DNAH17: variants seen among roughly 807,000 people sequenced by gnomAD.
DNAH17 encodes the protein dynein axonemal heavy chain 17.
In DNAH17, 376 loss-of-function variants were observed where a neutral mutation model predicts 485.6. The ratio of observed to expected loss-of-function variants is 0.77; its 90% confidence interval spans 0.71 to 0.84. The LOEUF is 0.84. DNAH17 is among the 40% of genes least tolerant of loss of function. The pLI, the probability that DNAH17 is intolerant of heterozygous loss-of-function variation, is 0.00. For synonymous variants in DNAH17, 3,031 were observed against 2,405.9 expected, an observed-to-expected ratio of 1.26 and a Z score of -7.60; for missense variants, 6,370 against 5,839.3, an observed-to-expected ratio of 1.09 and a Z score of -2.96.
At chr17:78,480,280 C>A (rs754794334) in intron 49 of DNAH17, among the ~76,000 whole-genome samples, 1 of 151,746 alleles carries the variant, frequency 6.6e-6, no homozygotes, top group African/African-American at 2.4e-5. Context: ...ACCCGGGAAG[C>A]GGAGGTTGCA....
At position 78,424,033 on chromosome 17, in the gene DNAH17, A is replaced by G. The variant is rs1267767061; in HGVS notation, c.13262T>C (p.Ile4421Thr). 1 of 1,613,960 alleles carries G rather than the reference A, an allele frequency of 6.2e-7. No homozygotes were observed. The highest frequency in any genetic ancestry group is 1.3e-5 in the African/African-American group (1 of 75,032). ...TGTTTTGTACACGGGACACTCATAG[A>G]TGTTCTTGGTCTCCATGCGGTCCAC... ...IPVDRMETKN[I>T]YECPVYKTRI... The change falls in exon 81 of 81, where the codon ATC becomes ACC. Residue 4421 changes from isoleucine (I) to threonine (T), a missense_variant. Coordinates refer to ENST00000389840, the MANE Select transcript of DNAH17 (RefSeq NM_173628.4).
rs748183700 is a variant in DNAH17 at position 78,502,920 on chromosome 17, G to A, written c.5048C>T (p.Pro1683Leu). 21 of 1,613,950 alleles carry A rather than the reference G, an allele frequency of 1.3e-5. No homozygotes were observed. Among genetic ancestry groups the A allele is most frequent in the East Asian group, 2.2e-5 (1 of 44,862 alleles). ...PEAVVTYEEKPREQWILDYPA... is the reference protein window; with the variant it reads ...PEAVVTYEEKLREQWILDYPA... ...GTAGTCCAGGATCCACTGCTCCCTC[G>A]GCTTCTCTTCGTAGGTCACCACGGC... is the stretch of plus-strand genomic sequence containing the variant. The change falls in exon 32 of 81, where the codon CCG becomes CTG. Residue 1683 changes from proline (P) to leucine (L), a missense_variant. Pro to Leu is a moderately conservative substitution (Grantham distance 98). Transcript: ENST00000389840.
intron 19 of DNAH17, among the ~76,000 whole-genome samples, chr17:78,534,458 T>A (rs904115969): frequency 6.6e-6 from 1 of 152,232 alleles, no homozygotes; most frequent in Non-Finnish European, 1.5e-5. Context: ...CTGAAGCTCC[T>A]CGTGGCTGCA....
intron 54 of DNAH17, among the ~76,000 whole-genome samples, chr17:78,473,468 C>T (rs905983415): frequency 1.2e-4 from 18 of 144,786 alleles, no homozygotes; most frequent in African/African-American, 4.2e-4. Context: ...GGTGTGAACC[C>T]GGGAAGCGGA....
intron 56 of DNAH17, among the ~76,000 whole-genome samples, chr17:78,464,150 TC>T: frequency 6.6e-6 from 1 of 152,308 alleles, no homozygotes; most frequent in South Asian, 2.1e-4. Context: ...GGAGGTTTAT[TC>T]CAAGGGCTGC....
At chr17:78,425,707 T>C (rs2086417500) in intron 79 of DNAH17, 136 bp from the exon 80 acceptor site, 3 of 705,840 alleles carry the variant, frequency 4.3e-6, no homozygotes, top group African/African-American at 3.9e-5. Flanking sequence ...CTGGACAGAG[T>C]AGGGGCCATG....
At chr17:78,428,825 C>A (rs1478351208) in intron 76 of DNAH17, 118 bp from the exon 77 acceptor site, 2 of 1,268,598 alleles carry the variant, frequency 1.6e-6, no homozygotes, top group Non-Finnish European at 2.2e-6. Context: ...TGTACAGATC[C>A]CACTTGTTTC....
At chr17:78,484,254 C>T (rs894286902) in intron 48 of DNAH17, among the ~76,000 whole-genome samples, 5 of 152,028 alleles carry the variant, frequency 3.3e-5, no homozygotes, top group Admixed American at 6.6e-5. Context: ...TGCAGCTGCC[C>T]TGGGCACCCT....
intron 54 of DNAH17, among the ~76,000 whole-genome samples, chr17:78,469,817 G>C (rs1037413130): frequency 6.6e-6 from 1 of 152,202 alleles, no homozygotes; most frequent in Non-Finnish European, 1.5e-5. Context: ...AAATAAGCCA[G>C]ACACGAAAGG....
At chr17:78,566,852 G>A (rs952779227) in intron 10 of DNAH17, 122 bp from the exon 11 acceptor site, 25 of 1,307,814 alleles carry the variant, frequency 1.9e-5, no homozygotes, top group South Asian at 2.8e-5. Flanking sequence ...GTGCTGTTGC[G>A]GGGACCGCTC....
intron 33 of DNAH17, 38 bp from the exon 34 acceptor site, chr17:78,501,911 G>T: frequency 2.5e-6 from 4 of 1,611,874 alleles, no homozygotes; most frequent in Non-Finnish European, 3.4e-6. Context: ...CACCACGGGT[G>T]CCCACATGCA....
intron 42 of DNAH17, 100 bp downstream of exon 42, chr17:78,492,533 C>G: frequency 6.6e-7 from 1 of 1,519,030 alleles, no homozygotes. Context: ...CCCACCCTAG[C>G]CTGGGGAGGC....
intron 25 of DNAH17, among the ~76,000 whole-genome samples, chr17:78,521,396 C>T (rs909704875): frequency 2.0e-5 from 3 of 152,022 alleles, no homozygotes; most frequent in African/African-American, 7.2e-5. Flanking sequence ...ACAAGAGCGA[C>T]ACTCCATCTC....
intron 11 of DNAH17, among the ~76,000 whole-genome samples, chr17:78,564,399 A>G (rs73999133): frequency 0.15 from 22,088 of 152,036 alleles, 1,895 homozygotes; most frequent in African/African-American, 0.24. Flanking sequence ...GAACAGCAGC[A>G]GGGAGTCACA....
chr17:78,456,336 A>C (rs1386272729), intron 62 of DNAH17, among the ~76,000 whole-genome samples: 1 of 151,974 alleles, frequency 6.6e-6, no homozygotes, highest in Non-Finnish European at 1.5e-5. Flanking sequence ...ACAAACAAAA[A>C]ACTCCTTGGC....
intron 75 of DNAH17, among the ~76,000 whole-genome samples, chr17:78,430,369 A>T (rs569099748): frequency 2.0e-5 from 3 of 152,348 alleles, no homozygotes; most frequent in African/African-American, 7.2e-5. Context: ...TGCCGCTCAC[A>T]GTCAGCTTCT....
chr17:78,492,803 T>TTCCTGGCACA, intron 41 of DNAH17, 38 bp from the exon 42 acceptor site: 3 of 1,590,356 alleles, frequency 1.9e-6, no homozygotes, highest in Non-Finnish European at 2.6e-6. Flanking sequence ...TGACTCCATG[T>TTCCTGGCACA]TCCTGGCACA....
chr17:78,459,536 C>T (rs182829759), intron 60 of DNAH17, among the ~76,000 whole-genome samples: 25 of 152,328 alleles, frequency 1.6e-4, no homozygotes, highest in South Asian at 4.1e-4. Context: ...CTCGTGTGGT[C>T]AGCTGCTCTC....
In DNAH17 at chr17:78,494,019, T is replaced by C; in HGVS notation, c.6408+17A>G. ...CCATGCCGGATCCCTGCAAGGTCCC[T>C]GGAGCGGGTGACACACCTGAGATTT... On this transcript the variant is annotated intron_variant, in intron 41 of 80. Transcript: ENST00000389840. The C allele has an allele frequency of 1.2e-6, 2 of 1,609,048 alleles. No homozygotes were observed. The highest frequency in any genetic ancestry group is 1.7e-6 in the Non-Finnish European group (2 of 1,178,228).
Sources: gnomAD v4.1 joint callset for allele counts (sites outside exome capture counted in the v4.1 genomes callset) on GRCh38, gnomAD v4.1.1 for gene constraint, MANE v1.5 for transcripts, NCBI Gene and HGNC (gene_info 2026-07-23, HGNC 2026-07-21) for gene names.